FAM228A: variants seen among roughly 807,000 people sequenced by gnomAD.
The protein encoded by FAM228A is protein FAM228A.
Under a neutral mutation model 18.6 loss-of-function variants are expected in FAM228A, and 13 were observed. The ratio of observed to expected loss-of-function variants is 0.70; its 90% CI spans 0.45 to 1.11. FAM228A has a LOEUF of 1.11. Among genes scored for constraint, FAM228A ranks in the 50% least tolerant of loss-of-function variants. The pLI is 0.00. For synonymous variants in FAM228A, 77 were observed against 86.6 expected (o/e 0.89, Z 0.61); for missense variants, 240 against 242.2 (o/e 0.99, Z 0.06).
intron 3 of FAM228A, among the ~76,000 whole-genome samples, chr2:24,182,828 G>A (rs373903207): frequency 2.6e-5 from 4 of 152,198 alleles, no homozygotes; most frequent in East Asian, 1.9e-4. Flanking sequence ...ACAGTAGAGC[G>A]CTTAACAGAA....
At chr2:24,183,882 C>T (rs559677220) in intron 5 of FAM228A, among the ~76,000 whole-genome samples, 1 of 152,236 alleles carries the variant, frequency 6.6e-6, no homozygotes, top group Admixed American at 6.5e-5. Context: ...GGAGCCTGCC[C>T]CCTCCCGAGA....
chr2:24,177,315 C>G (rs1305109474), intron 2 of FAM228A, among the ~76,000 whole-genome samples: 2 of 152,140 alleles, frequency 1.3e-5, no homozygotes, highest in East Asian at 1.9e-4. Flanking sequence ...TGTCATGTGC[C>G]TGTAATCCCA....
At chr2:24,180,306 C>A (rs1667786802) in intron 3 of FAM228A, among the ~76,000 whole-genome samples, 1 of 128,416 alleles carries the variant, frequency 7.8e-6, no homozygotes, top group East Asian at 2.3e-4. Context: ...AAAAAAAAAG[C>A]CCAGGTGTGG....
At chr2:24,179,759 C>G (rs1182338013) in intron 3 of FAM228A, among the ~76,000 whole-genome samples, 1 of 152,214 alleles carries the variant, frequency 6.6e-6, no homozygotes, top group East Asian at 1.9e-4. Flanking sequence ...GGCCTCTTCT[C>G]TTACCCTACT....
At chr2:24,189,636 A>C (rs1248579602) in intron 5 of FAM228A, among the ~76,000 whole-genome samples, 1 of 152,126 alleles carries the variant, frequency 6.6e-6, no homozygotes, top group Non-Finnish European at 1.5e-5. Flanking sequence ...AAGAAAAGAG[A>C]AGGCTTATTT....
chr2:24,186,252 G>A (rs760776756), intron 5 of FAM228A, among the ~76,000 whole-genome samples: 1 of 151,970 alleles, frequency 6.6e-6, no homozygotes, highest in Non-Finnish European at 1.5e-5. Flanking sequence ...CACCTGCCTC[G>A]GCCTCCCAAA....
intron 3 of FAM228A, among the ~76,000 whole-genome samples, chr2:24,179,537 A>G (rs1355379075): frequency 6.6e-6 from 1 of 152,206 alleles, no homozygotes; most frequent in African/African-American, 2.4e-5. Flanking sequence ...TTAAACCATA[A>G]GGGCATTTAC....
At chr2:24,180,291 C>CCA (rs1553335786) in intron 3 of FAM228A, among the ~76,000 whole-genome samples, 2 of 132,834 alleles carry the variant, frequency 1.5e-5, no homozygotes. Context: ...CCCGTCTGTA[C>CCA]AAAAAAAAAA....
At position 24,177,871 on chromosome 2, in the gene FAM228A, G is replaced by GT. The variant is rs1667727864; in HGVS notation, c.162+2dup. ...ATTTAAAGAAAATTCCATTGTGAAGGTAAGAGTTGGCTCCACGCTGCATTC... is the reference window on the plus strand; with the variant it reads ...ATTTAAAGAAAATTCCATTGTGAAGGTTAAGAGTTGGCTCCACGCTGCATTC... On this transcript the variant is annotated splice_donor_variant, in intron 3 of 5. Coordinates refer to ENST00000295150, the MANE Select transcript of FAM228A (RefSeq NM_001040710.3). LOFTEE classifies it high-confidence loss of function. 6.3e-7 allele frequency: 1 copy of GT among 1,597,654 alleles called. No homozygotes were observed. Among genetic ancestry groups the GT allele is most frequent in the Non-Finnish European group, 8.6e-7 (1 of 1,167,168 alleles).
Position 24,190,877 on chromosome 2 carries a change from CAG to C in FAM228A, c.*247_*248del, listed in dbSNP as rs753726317. On this transcript the variant is annotated 3_prime_UTR_variant, in exon 6 of 6. Coordinates refer to ENST00000295150, the MANE Select transcript of FAM228A (RefSeq NM_001040710.3). Reference sequence around the variant, plus strand: ...TCCGAGGTGAGGGCCAACCTGGCCACAGGGGCTTTTCCCCCTGAGATTTCTTC... The same window carrying C: ...TCCGAGGTGAGGGCCAACCTGGCCACGGGCTTTTCCCCCTGAGATTTCTTC... The C allele has an allele frequency of 4.9e-5, 59 of 1,203,302 alleles. No individual in the cohort carries two copies. The highest frequency in any genetic ancestry group is 5.9e-5 in the Non-Finnish European group (57 of 967,638). The allele number at this position is 1,203,302 out of a possible 1,614,324, so 74.5% of individuals were successfully genotyped here.
At chr2:24,175,961 TCTTTTTCC>T in intron 2 of FAM228A, 1 of 1,024,844 alleles carries the variant, frequency 9.8e-7, no homozygotes, top group South Asian at 3.9e-5. Flanking sequence ...AAATTTCCTT[TCTTTTTCC>T]CCTTTTGCCC....
chr2:24,188,955 A>G lies in FAM228A; in HGVS notation c.402-1457A>G, dbSNP rs182541129. Among the ~76,000 whole-genome samples, 380 of 152,176 alleles carry G rather than the reference A, an allele frequency of 2.5e-3. 2 individuals carry two copies. The highest frequency in any genetic ancestry group is 8.7e-3 in the African/African-American group (360 of 41,492). ...GTGCTACTTTGTTTATGCTTACCCT[A>G]GTGATTTGGAAGTTTTATGTATTAT... On this transcript the variant is annotated intron_variant, in intron 5 of 5. Coordinates refer to ENST00000295150, the MANE Select transcript of FAM228A (RefSeq NM_001040710.3).
intron 3 of FAM228A, among the ~76,000 whole-genome samples, chr2:24,181,134 TA>T (rs947942481): frequency 6.6e-6 from 1 of 152,208 alleles, no homozygotes; most frequent in African/African-American, 2.4e-5. Context: ...GACTTTAGAC[TA>T]AAGCTAGATG....
intron 2 of FAM228A, among the ~76,000 whole-genome samples, chr2:24,176,580 T>G (rs780179253): frequency 4.0e-5 from 6 of 151,622 alleles, no homozygotes; most frequent in Non-Finnish European, 8.9e-5. Context: ...AAAGAGAGCT[T>G]TATTTTAGGA....
intron 5 of FAM228A, among the ~76,000 whole-genome samples, chr2:24,183,981 C>T (rs1358326464): frequency 6.6e-6 from 1 of 152,138 alleles, no homozygotes; most frequent in Admixed American, 6.6e-5. Flanking sequence ...ACTTTGTATC[C>T]TTAAACAATA....
At chr2:24,182,860 G>A (rs533827750) in intron 3 of FAM228A, among the ~76,000 whole-genome samples, 2 of 152,198 alleles carry the variant, frequency 1.3e-5, no homozygotes, top group East Asian at 1.9e-4. Flanking sequence ...CTATCTGGGC[G>A]GCCCTCCCTC....
intron 5 of FAM228A, among the ~76,000 whole-genome samples, chr2:24,189,793 A>G (rs1234420863): frequency 6.6e-6 from 1 of 152,092 alleles, no homozygotes; most frequent in African/African-American, 2.4e-5. Context: ...TGAGGCAGAG[A>G]CAGTTTGATG....
chr2:24,180,901 A>AG (rs944073648), intron 3 of FAM228A, among the ~76,000 whole-genome samples: 11 of 152,260 alleles, frequency 7.2e-5, no homozygotes, highest in African/African-American at 2.4e-4. Context: ...AACTGGAAAG[A>AG]GGTGGGGTAT....
intron 3 of FAM228A, among the ~76,000 whole-genome samples, chr2:24,178,291 C>A (rs1667737684): frequency 6.6e-6 from 1 of 152,148 alleles, no homozygotes; most frequent in Non-Finnish European, 1.5e-5. Context: ...CATTTAATTT[C>A]AATGAGAGAG....
Sources: allele counts gnomAD v4.1 joint callset (sites outside exome capture counted in the v4.1 genomes callset), GRCh38; gene constraint gnomAD v4.1.1; transcripts MANE v1.5; gene names NCBI Gene and HGNC (gene_info 2026-07-23, HGNC 2026-07-21).